The following ASXL3 variants were observed in gnomAD, a reference collection of about 807,000 sequenced individuals.
The protein encoded by ASXL3 is putative Polycomb group protein ASXL3.
ASXL3 carries 34 observed loss-of-function variants against 170.6 expected under a neutral mutation model. The observed-to-expected ratio is 0.20, with a 90% CI of 0.15 to 0.27. ASXL3 has a LOEUF of 0.27. ASXL3 is among the 10% of genes least tolerant of loss of function. The pLI is 1.00. For missense variants in ASXL3, 2,592 were observed against 2,695.3 expected, an observed-to-expected ratio of 0.96 and a Z score of 0.85; for synonymous variants, 1,002 against 989.1, an observed-to-expected ratio of 1.01 and a Z score of -0.24.
At chr18:33,591,928 C>G (rs1375860256) in intron 1 of ASXL3, among the ~76,000 whole-genome samples, 3 of 151,880 alleles carry the variant, frequency 2.0e-5, no homozygotes, top group African/African-American at 7.3e-5. Context: ...GGCAACACTA[C>G]TTATTTTTTT....
Position 33,743,828 on chromosome 18 carries a change from G to T in ASXL3, c.3980G>T (p.Ser1327Ile). 2 of 1,614,022 alleles carry T rather than the reference G, an allele frequency of 1.2e-6. No individual in the cohort carries two copies. Among genetic ancestry groups the T allele is most frequent in the Non-Finnish European group, 1.7e-6 (2 of 1,179,888 alleles). ...SMDDKQLLIS[S>I]SSASNLVSTQ... ...GATGATAAGCAGTTACTAATATCAA[G>T]CAGCAGTGCTAGTAACTTAGTCTCC... Residue 1327 changes from serine (S) to isoleucine (I), a missense_variant, in exon 12 of 12, where the codon AGC (serine) becomes ATC (isoleucine). Around this residue, in one of 4 missense-constraint regions of ASXL3, gnomAD observed 2,246 missense variants for 2,219.6 expected, o/e 1.01. Transcript: ENST00000269197.
chr18:33,622,478 A>G (rs1156970234), intron 2 of ASXL3, among the ~76,000 whole-genome samples: 2 of 152,170 alleles, frequency 1.3e-5, no homozygotes, highest in African/African-American at 4.8e-5. Context: ...TTATAGCACA[A>G]TCTATTCTGT....
At chr18:33,616,573 A>G (rs2065425296) in intron 2 of ASXL3, 1 of 152,184 alleles carries the variant, frequency 6.6e-6, no homozygotes. Context: ...CTTAATTACT[A>G]TTAAGTCCTC....
chr18:33,588,938 T>C (rs929136807), intron 1 of ASXL3, among the ~76,000 whole-genome samples: 2 of 152,210 alleles, frequency 1.3e-5, no homozygotes, highest in Non-Finnish European at 1.5e-5. Flanking sequence ...TATATTTTTT[T>C]CTTATACCCA....
intron 2 of ASXL3, among the ~76,000 whole-genome samples, chr18:33,609,866 G>A (rs1309315956): frequency 1.3e-5 from 2 of 152,004 alleles, no homozygotes; most frequent in Non-Finnish European, 2.9e-5. Flanking sequence ...TGCATCAAGT[G>A]GCCTCAGACT....
chr18:33,582,731 TGTGTGTGTG>T (rs1568262100), intron 1 of ASXL3, among the ~76,000 whole-genome samples: 3 of 150,686 alleles, frequency 2.0e-5, no homozygotes, highest in African/African-American at 7.5e-5. Context: ...TGTGTGTGTG[TGTGTGTGTG>T]TTTTCTTGGT....
At chr18:33,600,613 G>A (rs1309021133) in intron 1 of ASXL3, among the ~76,000 whole-genome samples, 1 of 152,028 alleles carries the variant, frequency 6.6e-6, no homozygotes, top group African/African-American at 2.4e-5. Context: ...CTGCCACTTT[G>A]TTTTCTTTCT....
Position 33,578,339 on chromosome 18 carries a change from C to G in ASXL3, c.-293C>G, listed in dbSNP as rs1457420324. On this transcript the variant is annotated 5_prime_UTR_variant, in exon 1 of 12. Transcript: ENST00000269197. ...AGCCCGGCCGGCGCCGCCCCCGCCCCTGGCCCGGGCCCCGCTGCTGCCGCC... is the reference window on the plus strand; with the variant it reads ...AGCCCGGCCGGCGCCGCCCCCGCCCGTGGCCCGGGCCCCGCTGCTGCCGCC... 15 of 140,926 alleles carry G rather than the reference C, an allele frequency of 1.1e-4. No homozygotes were observed. The highest frequency in any genetic ancestry group is 2.3e-4 in the Non-Finnish European group (15 of 63,954). 8.7% of individuals were successfully genotyped at this position (140,926 alleles called of 1,614,324 possible).
In ASXL3 at chr18:33,744,258, G is replaced by A. The variant is rs1269982753; in HGVS notation, c.4410G>A (p.Pro1470=). 16 of 1,613,960 alleles carry A rather than the reference G, an allele frequency of 9.9e-6. No homozygotes were observed. Among genetic ancestry groups the A allele is most frequent in the Admixed American group, 5.0e-5 (3 of 60,024 alleles). Residue 1470 remains proline, a synonymous_variant, in exon 12 of 12, where the codon CCG becomes CCA. Coordinates refer to ENST00000269197, the MANE Select transcript of ASXL3 (RefSeq NM_030632.3). ...FAPAAINRSI[P]CKVIVDHSTT... is the part of the protein sequence containing the mutation. ...CAGCAGCCATAAACCGATCAATTCC[G>A]TGTAAAGTCATCGTTGACCACAGCA...
At chr18:33,590,658 C>G (rs1037944206) in intron 1 of ASXL3, among the ~76,000 whole-genome samples, 2 of 152,054 alleles carry the variant, frequency 1.3e-5, no homozygotes, top group African/African-American at 4.8e-5. Context: ...TTATTTTACA[C>G]TAAATATATG....
intron 2 of ASXL3, among the ~76,000 whole-genome samples, chr18:33,626,299 A>C (rs2065603157): frequency 2.6e-5 from 4 of 152,020 alleles, no homozygotes; most frequent in Admixed American, 2.6e-4. Context: ...TTACCATTTC[A>C]AGTTGTTGTT....
intron 8 of ASXL3, among the ~76,000 whole-genome samples, chr18:33,714,131 C>A (rs2067126460): frequency 6.6e-6 from 1 of 152,180 alleles, no homozygotes; most frequent in African/African-American, 2.4e-5. Context: ...ACTGCCCTCC[C>A]TCTCAGACAC....
At chr18:33,720,081 A>G (rs2067233850) in intron 8 of ASXL3, among the ~76,000 whole-genome samples, 1 of 152,048 alleles carries the variant, frequency 6.6e-6, no homozygotes, top group South Asian at 2.1e-4. Context: ...CATAGATATT[A>G]CCAGGCTACA....
chr18:33,598,354 A>T (rs2065149933), intron 1 of ASXL3, among the ~76,000 whole-genome samples: 1 of 152,116 alleles, frequency 6.6e-6, no homozygotes, highest in Non-Finnish European at 1.5e-5. Context: ...AACAAAACTT[A>T]TTATATGTCC....
At chr18:33,715,614 T>TTTTA (rs2067152058) in intron 8 of ASXL3, among the ~76,000 whole-genome samples, 1 of 152,184 alleles carries the variant, frequency 6.6e-6, no homozygotes, top group African/African-American at 2.4e-5. Flanking sequence ...CATATTTGTG[T>TTTTA]GACTAATATT....
At chr18:33,730,287 G>GAAACCCTGC (rs1310150290) in intron 8 of ASXL3, among the ~76,000 whole-genome samples, 1 of 152,124 alleles carries the variant, frequency 6.6e-6, no homozygotes, top group Non-Finnish European at 1.5e-5. Flanking sequence ...CCAATCTTGA[G>GAAACCCTGC]AAACCCTGCT....
intron 1 of ASXL3, among the ~76,000 whole-genome samples, chr18:33,586,343 C>A (rs1298172472): frequency 6.6e-6 from 1 of 152,022 alleles, no homozygotes; most frequent in African/African-American, 2.4e-5. Context: ...ACCACCACCC[C>A]AAATGTGCAC....
chr18:33,646,663 C>T (rs1342929018), intron 4 of ASXL3, among the ~76,000 whole-genome samples: 1 of 151,698 alleles, frequency 6.6e-6, no homozygotes, highest in African/African-American at 2.4e-5. Context: ...TGGTTTCATT[C>T]TTATGGGAGG....
chr18:33,726,992 T>A (rs1477050674), intron 8 of ASXL3, among the ~76,000 whole-genome samples: 1 of 152,178 alleles, frequency 6.6e-6, no homozygotes. Context: ...GTGGCTTGCT[T>A]TTGCATTTCT....
Sources: allele counts gnomAD v4.1 joint callset (sites outside exome capture counted in the v4.1 genomes callset), GRCh38; gene constraint gnomAD v4.1.1; regional missense constraint gnomAD v4.1.1; transcripts MANE v1.5; gene names NCBI Gene and HGNC (gene_info 2026-07-23, HGNC 2026-07-21).